UTRN: variants seen among roughly 807,000 people sequenced by gnomAD.
UTRN encodes utrophin, also known as dystrophin-related protein 1.
A neutral mutation model predicts 463.9 loss-of-function variants in UTRN; 283 were observed. The ratio of observed to expected loss-of-function variants is 0.61; its 90% CI spans 0.55 to 0.67. The LOEUF is 0.67. Ranked by LOEUF, UTRN falls within the 30% of genes least tolerant of loss-of-function variation. The probability of loss-of-function intolerance (pLI) is 0.00; values close to 1 mark genes in which losing one functional copy is unlikely to be tolerated. For missense variants in UTRN, 3,922 were observed against 4,084.3 expected (o/e 0.96, Z 1.08); for synonymous variants, 1,442 against 1,431.5 (o/e 1.01, Z -0.17).
rs533616226 is a variant in UTRN at position 144,406,879 on chromosome 6, C to G, written c.141+3695C>G. Among the ~76,000 whole-genome samples, 5 of 152,234 alleles carry G rather than the reference C, an allele frequency of 3.3e-5. No homozygotes were observed. The East Asian group carries it at 9.7e-4, about 29-fold the overall frequency. On this transcript the variant is annotated intron_variant, in intron 3 of 74. Transcript: ENST00000367545. ...CTAAATAGCTGCCTCCCAATTTACTCCTAATTTTATTTTACTTTCCTCTCG... is the reference window on the plus strand; with the variant it reads ...CTAAATAGCTGCCTCCCAATTTACTGCTAATTTTATTTTACTTTCCTCTCG...
chr6:144,437,181 C>T (rs1282546921), intron 10 of UTRN, among the ~76,000 whole-genome samples: 1 of 151,966 alleles, frequency 6.6e-6, no homozygotes, highest in Non-Finnish European at 1.5e-5. Flanking sequence ...TCTTGAACTC[C>T]TGGCCTAGGT....
chr6:144,501,145 A>G (rs982460095), intron 34 of UTRN, among the ~76,000 whole-genome samples: 1 of 152,204 alleles, frequency 6.6e-6, no homozygotes, highest in Non-Finnish European at 1.5e-5. Flanking sequence ...AAGCTCATGA[A>G]AAGCGTGATC....
At chr6:144,590,682 A>C in intron 51 of UTRN, among the ~76,000 whole-genome samples, 1 of 152,164 alleles carries the variant, frequency 6.6e-6, no homozygotes, top group East Asian at 1.9e-4. Flanking sequence ...GTTCTGAGGA[A>C]TTTTAGTCGT....
chr6:144,820,484 TTGTG>T (rs140218516), intron 65 of UTRN, among the ~76,000 whole-genome samples: 3 of 151,868 alleles, frequency 2.0e-5, no homozygotes, highest in East Asian at 3.9e-4. Flanking sequence ...GTTAAAACCA[TTGTG>T]GTTAAAACCA....
intron 53 of UTRN, among the ~76,000 whole-genome samples, chr6:144,718,111 T>G (rs1786711584): frequency 6.6e-6 from 1 of 152,106 alleles, no homozygotes; most frequent in South Asian, 2.1e-4. Flanking sequence ...GAATAGAGGC[T>G]TTGGAAAGAA....
In UTRN at chr6:144,436,128, C is replaced by T. The variant is rs1267599394; in HGVS notation, c.1049C>T (p.Ala350Val). The T allele has an allele frequency of 1.2e-6, 2 of 1,613,514 alleles. No homozygotes were observed. The highest frequency in any genetic ancestry group is 2.2e-5 in the East Asian group (1 of 44,882). Residue 350 changes from alanine to valine, a missense_variant, in exon 10 of 75, where the codon GCA (alanine) becomes GTA (valine). Ala to Val is a moderately conservative substitution (Grantham distance 64, BLOSUM62 0). Around this residue, in one of 3 missense-constraint regions of UTRN, gnomAD observed 2,349 missense variants for 2,303.8 expected, o/e 1.02. Coordinates refer to ENST00000367545, the MANE Select transcript of UTRN (RefSeq NM_007124.3). ...GTTGAAGAAGTCAAAGACCAGTTTGCAACCCATGAAGTAAATATCTGTAGT... is the reference window on the plus strand; with the variant it reads ...GTTGAAGAAGTCAAAGACCAGTTTGTAACCCATGAAGTAAATATCTGTAGT... ...DDVEEVKDQFATHEAFMMELT... is the reference protein window; with the variant it reads ...DDVEEVKDQFVTHEAFMMELT...
At chr6:144,691,984 C>T (rs1425804908) in intron 52 of UTRN, among the ~76,000 whole-genome samples, 2 of 152,076 alleles carry the variant, frequency 1.3e-5, no homozygotes, top group African/African-American at 2.4e-5. Flanking sequence ...ATTATTTCAT[C>T]ACTCAGGCAT....
intron 53 of UTRN, among the ~76,000 whole-genome samples, chr6:144,714,744 C>A: frequency 6.6e-6 from 1 of 152,184 alleles, no homozygotes; most frequent in East Asian, 1.9e-4. Context: ...AGGAAGCCAT[C>A]CTGAGCCCCA....
intron 2 of UTRN, among the ~76,000 whole-genome samples, chr6:144,394,719 A>G (rs967276895): frequency 3.9e-5 from 6 of 152,172 alleles, no homozygotes; most frequent in Non-Finnish European, 4.4e-5. Flanking sequence ...TTCTTTGGAT[A>G]TTTTATACAT....
chr6:144,493,229 G>A lies in UTRN; in HGVS notation c.4438-72G>A, dbSNP rs979300498. 5 of 1,482,036 alleles carry A rather than the reference G, an allele frequency of 3.4e-6. No individual in the cohort carries two copies. The Admixed American group carries it at 8.8e-5, about 26-fold the overall frequency. 91.8% of individuals were successfully genotyped at this position (1,482,036 alleles called of 1,614,324 possible). A position where few individuals can be genotyped will look rare whatever the true frequency, so the allele number is the denominator to read the frequency against. On this transcript the variant is annotated intron_variant, in intron 32 of 74. Transcript: ENST00000367545. Reference sequence around the variant, plus strand: ...TGGCTGTCAATCTGTGTAAGCTGTGGTCTGACATGATGCCAGTTGGCAAGT... The same window carrying A: ...TGGCTGTCAATCTGTGTAAGCTGTGATCTGACATGATGCCAGTTGGCAAGT...
rs559769026 is a variant in UTRN at position 144,554,911 on chromosome 6, T to C, written c.7134+18T>C. On this transcript the variant is annotated intron_variant, in intron 49 of 74. Transcript: ENST00000367545. ...ATAACCAAGTAAGACTCATCAGATATTTTTTGGCAGTATTGTTTTGTTGGA... is the reference window on the plus strand; with the variant it reads ...ATAACCAAGTAAGACTCATCAGATACTTTTTGGCAGTATTGTTTTGTTGGA... 53 of 1,612,928 alleles carry C rather than the reference T, an allele frequency of 3.3e-5. 2 individuals are homozygous for C. The South Asian group carries it at 5.8e-4, about 18-fold the overall frequency.
Position 144,772,053 on chromosome 6 carries a change from T to A in UTRN, c.8557+85T>A, listed in dbSNP as rs889116680. 8.4e-4 allele frequency: 721 copies of A among 854,092 alleles called. 10 individuals are homozygous for A. The African/African-American group carries it at 0.015, about 18-fold the overall frequency. The allele number at this position is 854,092 out of a possible 1,614,324, so 52.9% of individuals were successfully genotyped here. ...TTTTTTTTTTTTTTTTTTTTTTTTT[T>A]AAGGTGGATTCTCGCTGTTGCCCAG... On this transcript the variant is annotated intron_variant, in intron 59 of 74. Transcript: ENST00000367545.
intron 2 of UTRN, among the ~76,000 whole-genome samples, chr6:144,364,146 C>T (rs1562297312): frequency 6.6e-6 from 1 of 152,196 alleles, no homozygotes; most frequent in Non-Finnish European, 1.5e-5. Flanking sequence ...TATGGCAAAG[C>T]TCTCTTCGTG....
At chr6:144,686,468 T>G (rs548953898) in intron 52 of UTRN, among the ~76,000 whole-genome samples, 1 of 152,236 alleles carries the variant, frequency 6.6e-6, no homozygotes, top group South Asian at 2.1e-4. Flanking sequence ...CAGTGATGTG[T>G]CTAGTGCTGT....
Position 144,385,357 on chromosome 6 carries a change from G to A in UTRN, c.80-17766G>A, listed in dbSNP as rs112843052. ...GTGAAGGAAACCCAAGTCCCGGAGC[G>A]AATGCATTTGTTACTTTTGTAAAAC... On this transcript the variant is annotated intron_variant, in intron 2 of 74. Coordinates refer to ENST00000367545, the MANE Select transcript of UTRN (RefSeq NM_007124.3). Among the ~76,000 whole-genome samples the A allele has an allele frequency of 8.3e-3, 1,262 of 152,242 alleles. 17 individuals are homozygous for A. Among genetic ancestry groups the A allele is most frequent in the African/African-American group, 0.028 (1,176 of 41,538 alleles).
chr6:144,799,357 A>T (rs1777517630), intron 64 of UTRN: 4 of 447,424 alleles, frequency 8.9e-6, no homozygotes, highest in Non-Finnish European at 1.9e-5. Context: ...GCATTCTAAG[A>T]GGAGGAAAAG....
chr6:144,321,391 G>A (rs1053335229), intron 2 of UTRN, among the ~76,000 whole-genome samples: 1 of 151,752 alleles, frequency 6.6e-6, no homozygotes, highest in African/African-American at 2.4e-5. Flanking sequence ...CAGAGAGTGG[G>A]TAAGTAGCTT....
intron 65 of UTRN, among the ~76,000 whole-genome samples, chr6:144,815,303 A>G (rs1212588819): frequency 6.6e-6 from 1 of 152,224 alleles, no homozygotes; most frequent in Non-Finnish European, 1.5e-5. Flanking sequence ...AATGTTAGAC[A>G]TGGTGATGTT....
chr6:144,639,415 CCAGGCTTCT>C (rs1337625735), intron 51 of UTRN, among the ~76,000 whole-genome samples: 2 of 152,146 alleles, frequency 1.3e-5, no homozygotes, highest in Admixed American at 1.3e-4. Flanking sequence ...CCCAGGCTTC[CCAGGCTTCT>C]GTAACAATCT....
Sources: gnomAD v4.1 joint callset for allele counts (sites outside exome capture counted in the v4.1 genomes callset) on GRCh38, gnomAD v4.1.1 for gene constraint, gnomAD v4.1.1 regional missense constraint, MANE v1.5 for transcripts, NCBI Gene and HGNC (gene_info 2026-07-23, HGNC 2026-07-21) for gene names.